Variants in TPTE2 observed in about 807,000 individuals in gnomAD.
The protein encoded by TPTE2 is transmembrane phosphoinositide 3-phosphatase and tensin homolog 2.
TPTE2 carries 53 observed loss-of-function variants against 78.6 expected under a neutral mutation model. The ratio of observed to expected loss-of-function variants is 0.67; its 90% confidence interval spans 0.54 to 0.85. The LOEUF (loss-of-function observed/expected upper bound fraction) is 0.85, where lower values mean the gene tolerates loss of function less well. TPTE2 is among the 40% of genes least tolerant of loss of function. The pLI is 0.00. For synonymous variants in TPTE2, 175 were observed against 206.2 expected (o/e 0.85, Z 1.30); for missense variants, 461 against 623.0 (o/e 0.74, Z 2.77).
At chr13:19,430,998 A>T (rs907350678) in intron 16 of TPTE2, among the ~76,000 whole-genome samples, 13 of 151,860 alleles carry the variant, frequency 8.6e-5, no homozygotes, top group African/African-American at 3.1e-4. Context: ...GTGGTGGCAC[A>T]TGCCTGTAAT....
the TPTE2 span, chr13:19,560,864 T>C: frequency 1.9e-6 from 3 of 1,562,900 alleles, no homozygotes; most frequent in Non-Finnish European, 2.6e-6. Context: ...GCGGCAGGCC[T>C]GACAGGCCTT....
At chr13:19,522,619 C>CTTTTTTTTTTTTTTTTT (rs57248346) in intron 1 of TPTE2, among the ~76,000 whole-genome samples, 1 of 121,648 alleles carries the variant, frequency 8.2e-6, no homozygotes, top group Non-Finnish European at 1.6e-5. Flanking sequence ...CTTTTTTTTT[C>CTTTTTTTTTTTTTTTTT]TTTTTTTTTT....
chr13:19,428,658 G>A (rs1876327279), intron 17 of TPTE2, among the ~76,000 whole-genome samples: 1 of 151,830 alleles, frequency 6.6e-6, no homozygotes, highest in African/African-American at 2.4e-5. Flanking sequence ...GAGCTCAGGA[G>A]GTTGAGGCTA....
At chr13:19,472,751 A>G (rs1403974757) in intron 6 of TPTE2, among the ~76,000 whole-genome samples, 1 of 152,126 alleles carries the variant, frequency 6.6e-6, no homozygotes. Context: ...GGCATTGAAG[A>G]GTTAGGTATT....
chr13:19,536,045 A>T (rs867161354), intron 1 of TPTE2, among the ~76,000 whole-genome samples: 3 of 152,322 alleles, frequency 2.0e-5, no homozygotes, highest in Middle Eastern at 6.8e-3. Flanking sequence ...GCTTCAAATC[A>T]CTTCCAAGCA....
chr13:19,425,807 T>C (rs1463993307), intron 18 of TPTE2: 4 of 430,010 alleles, frequency 9.3e-6, no homozygotes, highest in Admixed American at 2.5e-5. Flanking sequence ...CCCCTTCCAG[T>C]TGGCCCTGTG....
chr13:19,547,087 C>A, the TPTE2 span, among the ~76,000 whole-genome samples: 80 of 142,836 alleles, frequency 5.6e-4, no homozygotes, highest in East Asian at 8.0e-4. Context: ...TAAAAGTTAC[C>A]AAAAAAAAAA....
chr13:19,459,101 A>G (rs1294015329), intron 10 of TPTE2, among the ~76,000 whole-genome samples: 1 of 152,070 alleles, frequency 6.6e-6, no homozygotes, highest in Non-Finnish European at 1.5e-5. Context: ...TGGCTTTTTA[A>G]TAATAGCCAT....
intron 10 of TPTE2, among the ~76,000 whole-genome samples, chr13:19,459,438 C>T (rs1157713132): frequency 1.3e-5 from 2 of 152,172 alleles, no homozygotes; most frequent in African/African-American, 4.8e-5. Flanking sequence ...TGGAGACCCC[C>T]GTTGGGCATT....
chr13:19,521,411 G>A (rs2137720548), intron 1 of TPTE2, among the ~76,000 whole-genome samples: 1 of 149,890 alleles, frequency 6.7e-6, no homozygotes, highest in Non-Finnish European at 1.5e-5. Context: ...TTAGTTTTTT[G>A]GTTACTGTTT....
intron 17 of TPTE2, 133 bp from the exon 21 acceptor site, chr13:19,426,650 AATT>A (rs1876113441): frequency 3.7e-6 from 2 of 542,890 alleles, no homozygotes; most frequent in Non-Finnish European, 6.5e-6. Flanking sequence ...ATGCATAAAT[AATT>A]ATTAATAATC....
intron 6 of TPTE2, among the ~76,000 whole-genome samples, chr13:19,468,752 G>A (rs1478004435): frequency 6.6e-6 from 1 of 152,122 alleles, no homozygotes; most frequent in Non-Finnish European, 1.5e-5. Context: ...TCTACACTGC[G>A]AATTTCTCTA....
chr13:19,457,021 G>A lies in TPTE2; in HGVS notation c.742-5796C>T, dbSNP rs1229058716. Among the ~76,000 whole-genome samples the A allele has an allele frequency of 5.3e-5, 8 of 152,202 alleles. No homozygotes were observed. In the East Asian group the frequency reaches 1.5e-3, roughly 29 times the overall value. ...AAAAAGCCCAGAAACAGACCTATAC[G>A]TATATGTTCACTTTATTTGCAATAA... On this transcript the variant is annotated intron_variant, in intron 10 of 19. Coordinates refer to ENST00000400230, the Ensembl canonical transcript of TPTE2.
At chr13:19,530,597 T>G (rs955509294) in intron 1 of TPTE2, among the ~76,000 whole-genome samples, 88 of 152,122 alleles carry the variant, frequency 5.8e-4, no homozygotes, top group African/African-American at 2.0e-3. Context: ...CAGGTTGGAG[T>G]GCAGTGGCAT....
At chr13:19,511,830 C>G (rs1869464080) in intron 1 of TPTE2, among the ~76,000 whole-genome samples, 1 of 151,452 alleles carries the variant, frequency 6.6e-6, no homozygotes, top group African/African-American at 2.4e-5. Context: ...TAGAATGATA[C>G]TTATTAAACA....
At chr13:19,474,352 A>C (rs1387793828) in intron 5 of TPTE2, among the ~76,000 whole-genome samples, 1 of 152,206 alleles carries the variant, frequency 6.6e-6, no homozygotes, top group African/African-American at 2.4e-5. Context: ...GACACATCAG[A>C]CCAACACCTC....
chr13:19,483,543 CTTAA>C (rs1200655848), intron 3 of TPTE2, among the ~76,000 whole-genome samples: 3 of 151,938 alleles, frequency 2.0e-5, no homozygotes, highest in Admixed American at 2.0e-4. Context: ...TTCCCTTTTT[CTTAA>C]TTAGTCTAGC....
At chr13:19,514,481 G>C (rs924336319) in intron 1 of TPTE2, among the ~76,000 whole-genome samples, 2 of 152,160 alleles carry the variant, frequency 1.3e-5, no homozygotes, top group Admixed American at 6.5e-5. Flanking sequence ...ATTTTGGAAG[G>C]CAATCAGGAT....
the TPTE2 span, among the ~76,000 whole-genome samples, chr13:19,554,377 AAAATAAAT>A: frequency 9.6e-5 from 14 of 145,216 alleles, no homozygotes; most frequent in African/African-American, 3.0e-4. Flanking sequence ...TCTGTCTCAA[AAAATAAAT>A]AAATAAATAA....
Sources: allele counts gnomAD v4.1 joint callset (sites outside exome capture counted in the v4.1 genomes callset), GRCh38; gene constraint gnomAD v4.1.1; transcripts MANE v1.5; gene names NCBI Gene and HGNC (gene_info 2026-07-23, HGNC 2026-07-21).